Variants in SMNDC1 observed in about 807,000 individuals in gnomAD.
SMNDC1 encodes survival of motor neuron-related-splicing factor 30.
Under a neutral mutation model 29.2 loss-of-function variants are expected in SMNDC1, and 5 were observed. The observed-to-expected ratio is 0.17, with a 90% CI of 0.09 to 0.36. SMNDC1 has a LOEUF of 0.36. Ranked by LOEUF, SMNDC1 falls within the 10% of genes least tolerant of loss-of-function variation. The pLI is 1.00. For synonymous variants in SMNDC1, 80 were observed against 89.9 expected (o/e 0.89, Z 0.62); for missense variants, 142 against 268.5 (o/e 0.53, Z 3.29).
At chr10:110,297,536 C>T (rs1399897997) in intron 4 of SMNDC1, 31 bp downstream of exon 4, 1 of 1,600,978 alleles carries the variant, frequency 6.2e-7, no homozygotes, top group Non-Finnish European at 8.5e-7. Flanking sequence ...GGGAAGATTG[C>T]ACCTAAAATG....
chr10:110,304,913 G>A lies in SMNDC1; in HGVS notation c.-166C>T, dbSNP rs1018536097. ...AACTCGGTCGGCGGCGAGGGGGAAG[G>A]GAGGAACGCCGGGCACTGGAAGGAG... On this transcript the variant is annotated 5_prime_UTR_variant, in exon 1 of 6. Coordinates refer to ENST00000369603, the MANE Select transcript of SMNDC1 (RefSeq NM_005871.4). 1 of 152,394 alleles carries A rather than the reference G, an allele frequency of 6.6e-6. No individual in the cohort carries two copies. Among genetic ancestry groups the A allele is most frequent in the Non-Finnish European group, 1.5e-5 (1 of 68,186 alleles). The allele number at this position is 152,394 out of a possible 1,614,324, so 9.4% of individuals were successfully genotyped here.
rs1857534556 is a variant in SMNDC1 at position 110,294,122 on chromosome 10, CAG to C, written c.*26_*27del. Reference sequence around the variant, plus strand: ...ATAAAAAGGTAAATGTAAAGCCCTGCAGAGATGAAATCCAACAGTTTTTCTGA... The same window carrying C: ...ATAAAAAGGTAAATGTAAAGCCCTGCAGATGAAATCCAACAGTTTTTCTGA... On this transcript the variant is annotated 3_prime_UTR_variant, in exon 6 of 6. Coordinates refer to ENST00000369603, the MANE Select transcript of SMNDC1 (RefSeq NM_005871.4). The C allele has an allele frequency of 1.3e-6, 2 of 1,541,222 alleles. No homozygotes were observed.
intron 2 of SMNDC1, among the ~76,000 whole-genome samples, chr10:110,299,330 C>G (rs141985127): frequency 1.3e-5 from 2 of 152,238 alleles, no homozygotes; most frequent in African/African-American, 4.8e-5. Context: ...TCTTCCTATT[C>G]AATTATTGTA....
At chr10:110,301,130 CA>C (rs1476607836) in intron 2 of SMNDC1, among the ~76,000 whole-genome samples, 3 of 152,068 alleles carry the variant, frequency 2.0e-5, no homozygotes, top group South Asian at 2.1e-4. Flanking sequence ...ATATGATGGT[CA>C]AAAAATATTA....
intron 5 of SMNDC1, among the ~76,000 whole-genome samples, chr10:110,294,800 A>T (rs910990780): frequency 6.6e-6 from 1 of 152,220 alleles, no homozygotes; most frequent in Non-Finnish European, 1.5e-5. Flanking sequence ...CTTATTCTCA[A>T]CTTCCTATAT....
Position 110,294,261 on chromosome 10 carries a change from A to T in SMNDC1, c.606T>A (p.Pro202=). 2.5e-6 allele frequency: 4 copies of T among 1,600,252 alleles called. No homozygotes were observed. The highest frequency in any genetic ancestry group is 2.6e-6 in the Non-Finnish European group (3 of 1,174,484). The change falls in exon 6 of 6, where the codon CCT becomes CCA. Residue 202 remains proline (P), a synonymous_variant. Transcript: ENST00000369603. ...CTCCAACTTTACCAGTCACACTCTC[A>T]GGTGAAGCAAAAATACTCCTCTTTA... ...GQVKRSIFAS[P]ESVTGKVGVG...
rs1365722438 is a variant in SMNDC1 at position 110,290,906 on chromosome 10, AC to A, written c.*3243del. On this transcript the variant is annotated 3_prime_UTR_variant, in exon 6 of 6. Transcript: ENST00000369603. ...AATTATAAAATTACAATCTACAGAC[AC>A]ATGAGTCACACAACTACAGTTTTCC... 6.6e-6 allele frequency: 1 copy of A among 152,238 alleles called. No individual in the cohort carries two copies. The highest frequency in any genetic ancestry group is 1.5e-5 in the Non-Finnish European group (1 of 68,046). 9.4% of individuals were successfully genotyped at this position (152,238 alleles called of 1,614,324 possible). A position where few individuals can be genotyped will look rare whatever the true frequency, so the allele number is the denominator to read the frequency against.
At chr10:110,296,490 T>A (rs139348859) in intron 4 of SMNDC1, among the ~76,000 whole-genome samples, 3 of 152,334 alleles carry the variant, frequency 2.0e-5, no homozygotes, top group Admixed American at 2.0e-4. Flanking sequence ...AACTTAAGTT[T>A]CAAAAACTCT....
rs1857690319 is a variant in SMNDC1, at chr10:110,303,579, C to T, written c.9G>A (p.Glu3=). The change falls in exon 2 of 6, where the codon GAG becomes GAA. Residue 3 remains glutamate, a synonymous_variant. Transcript: ENST00000369603. ...AGCTTGCCAGCTGCTTTGCTAAATC[C>T]TCTGACATCTAGGGAAAATAAAAAG... MS[E]DLAKQLASYK... is the part of the protein sequence containing the mutation. The T allele has an allele frequency of 6.3e-7, 1 of 1,583,088 alleles. No homozygotes were observed. Among genetic ancestry groups the T allele is most frequent in the African/African-American group, 1.4e-5 (1 of 72,388 alleles).
intron 2 of SMNDC1, 163 bp from the exon 3 acceptor site, chr10:110,298,953 C>G (rs1259400291): frequency 1.8e-6 from 1 of 555,296 alleles, no homozygotes; most frequent in Non-Finnish European, 3.2e-6. Context: ...CATGTAGAAA[C>G]TGATACAGTA....
intron 2 of SMNDC1, among the ~76,000 whole-genome samples, 179 bp downstream of exon 2, chr10:110,303,289 G>C (rs1857684788): frequency 6.6e-6 from 1 of 152,176 alleles, no homozygotes; most frequent in Non-Finnish European, 1.5e-5. Flanking sequence ...ATTTCACTCT[G>C]ATGTACAGAA....
chr10:110,301,692 C>T (rs1857651531), intron 2 of SMNDC1, among the ~76,000 whole-genome samples: 1 of 152,176 alleles, frequency 6.6e-6, no homozygotes, highest in Non-Finnish European at 1.5e-5. Flanking sequence ...TTTCCATCAT[C>T]ACAGAAAGTT....
intron 2 of SMNDC1, 61 bp from the exon 3 acceptor site, chr10:110,298,851 T>G (rs1282180737): frequency 7.5e-7 from 1 of 1,336,256 alleles, no homozygotes; most frequent in African/African-American, 1.5e-5. Context: ...CAACTTAGTT[T>G]CTGATGACAG....
At chr10:110,297,518 TCCAA>T (rs1425106515) in intron 4 of SMNDC1, 45 bp downstream of exon 4, 1 of 1,563,388 alleles carries the variant, frequency 6.4e-7, no homozygotes, top group Admixed American at 1.8e-5. Context: ...ACTTCAAGTA[TCCAA>T]ATGGGGAAGA....
chr10:110,297,558 G>A lies in SMNDC1; in HGVS notation c.425+9C>T, dbSNP rs1334553901. 16 of 1,611,454 alleles carry A rather than the reference G, an allele frequency of 9.9e-6. No homozygotes were observed. The Admixed American group carries it at 2.5e-4, about 25-fold the overall frequency. ...TTGCACCTAAAATGGAAAAGTCAAA[G>A]TCACTTACTTTGACATGGGTTTGTT... is the stretch of plus-strand genomic sequence containing the variant. On this transcript the variant is annotated intron_variant, in intron 4 of 5. Coordinates refer to ENST00000369603, the MANE Select transcript of SMNDC1 (RefSeq NM_005871.4).
At chr10:110,298,388 AG>A (rs1415609474) in intron 3 of SMNDC1, among the ~76,000 whole-genome samples, 1 of 152,210 alleles carries the variant, frequency 6.6e-6, no homozygotes. Flanking sequence ...AAAATAATTT[AG>A]ATTATTTTAG....
chr10:110,304,549 GC>G (rs1390901706), intron 1 of SMNDC1, 198 bp downstream of exon 1: 1 of 152,214 alleles, frequency 6.6e-6, no homozygotes, highest in East Asian at 1.9e-4. Context: ...GGCCGTGTTT[GC>G]CGCCGCCGCA....
At position 110,294,125 on chromosome 10, in the gene SMNDC1, A is replaced by G; in HGVS notation, c.*25T>C. ...AAAAGGTAAATGTAAAGCCCTGCAG[A>G]GATGAAATCCAACAGTTTTTCTGAT... On this transcript the variant is annotated 3_prime_UTR_variant, in exon 6 of 6. Coordinates refer to ENST00000369603, the MANE Select transcript of SMNDC1 (RefSeq NM_005871.4). 6.5e-7 allele frequency: 1 copy of G among 1,547,952 alleles called. No individual in the cohort carries two copies.
At chr10:110,294,375 G>T in intron 5 of SMNDC1, 88 bp from the exon 6 acceptor site, 3 of 1,111,614 alleles carry the variant, frequency 2.7e-6, no homozygotes, top group African/African-American at 1.6e-5. Flanking sequence ...AATATATTCT[G>T]GTTTCAACGT....
Sources: allele counts gnomAD v4.1 joint callset (sites outside exome capture counted in the v4.1 genomes callset), GRCh38; gene constraint gnomAD v4.1.1; transcripts MANE v1.5; gene names NCBI Gene and HGNC (gene_info 2026-07-23, HGNC 2026-07-21).